The following PKP2 variants were observed in gnomAD, a reference collection of about 807,000 sequenced individuals.
PKP2 encodes plakophilin 2.
PKP2 carries 73 observed loss-of-function variants against 83.4 expected under a neutral mutation model. That is an observed-to-expected ratio of 0.88 (90% CI 0.72 to 1.06). The LOEUF (loss-of-function observed/expected upper bound fraction) is 1.06. Among genes scored for constraint, PKP2 ranks in the 50% least tolerant of loss-of-function variants. The pLI, the probability that PKP2 is intolerant of heterozygous loss-of-function variation, is 0.00. For synonymous variants in PKP2, 409 were observed against 430.4 expected (o/e 0.95, Z 0.62); for missense variants, 966 against 1,065.4 (o/e 0.91, Z 1.30).
rs528805301 is a variant in PKP2 at position 32,861,623 on chromosome 12, T to C, written c.1170+7304A>G. On this transcript the variant is annotated intron_variant, in intron 4 of 12. Coordinates refer to ENST00000340811, the MANE Select transcript of PKP2 (RefSeq NM_001005242.3). ...GTAATTGTAGTTCCCAAAGGAGGAA[T>C]AGAAAAACTGTGAAAATTTTCTAAT... is the stretch of plus-strand genomic sequence containing the variant. 1.7e-3 allele frequency among the ~76,000 whole-genome samples: 260 copies of C among 152,234 alleles called. 1 individual carries two copies. Among genetic ancestry groups the C allele is most frequent in the African/African-American group, 5.8e-3 (243 of 41,566 alleles).
chr12:32,847,726 A>C (rs1051993151), intron 5 of PKP2, among the ~76,000 whole-genome samples: 2 of 152,134 alleles, frequency 1.3e-5, no homozygotes, highest in African/African-American at 4.8e-5. Flanking sequence ...ACCAATCCAA[A>C]GCCTATTCCT....
chr12:32,866,883 T>C (rs1956854317), intron 4 of PKP2, among the ~76,000 whole-genome samples: 1 of 152,188 alleles, frequency 6.6e-6, no homozygotes, highest in African/African-American at 2.4e-5. Flanking sequence ...TCACGGTAGC[T>C]TTATTTGTAA....
intron 4 of PKP2, among the ~76,000 whole-genome samples, chr12:32,855,794 A>AAAAAAAAT: frequency 6.7e-6 from 1 of 148,290 alleles, no homozygotes; most frequent in Non-Finnish European, 1.5e-5. Flanking sequence ...AAAAAAAAAA[A>AAAAAAAAT]AGGAAGAAAA....
intron 9 of PKP2, chr12:32,821,144 T>C: frequency 3.6e-6 from 2 of 562,030 alleles, no homozygotes; most frequent in Non-Finnish European, 6.3e-6. Context: ...CTGAGATCTG[T>C]AACTGAAAGA....
At chr12:32,888,344 T>C (rs527608041) in intron 1 of PKP2, among the ~76,000 whole-genome samples, 1 of 152,248 alleles carries the variant, frequency 6.6e-6, no homozygotes, top group African/African-American at 2.4e-5. Flanking sequence ...GGTGAATTTA[T>C]AGAACTCACA....
intron 9 of PKP2, among the ~76,000 whole-genome samples, chr12:32,811,263 C>T (rs10743803): frequency 0.6 from 90,677 of 152,140 alleles, 29,827 homozygotes; most frequent in Non-Finnish European, 0.77. Flanking sequence ...TGCATTAGCA[C>T]ATCCCAGCAT....
chr12:32,832,219 A>C (rs1040925263), intron 6 of PKP2, among the ~76,000 whole-genome samples: 11 of 152,210 alleles, frequency 7.2e-5, no homozygotes, highest in African/African-American at 2.6e-4. Context: ...TCTACTAAAA[A>C]TACAAAAAAT....
chr12:32,791,092 T>C lies in PKP2; in HGVS notation c.*1332A>G, dbSNP rs1290193471. ...GAAGAATTTTTTTGCTTATCTTACTTAGGACAAATGTTGTCAGATTAAAAA... is the reference window on the plus strand; with the variant it reads ...GAAGAATTTTTTTGCTTATCTTACTCAGGACAAATGTTGTCAGATTAAAAA... On this transcript the variant is annotated 3_prime_UTR_variant, in exon 13 of 13. Coordinates refer to ENST00000340811, the MANE Select transcript of PKP2 (RefSeq NM_001005242.3). 1 of 151,436 alleles carries C rather than the reference T, an allele frequency of 6.6e-6. No homozygotes were observed. The highest frequency in any genetic ancestry group is 1.5e-5 in the Non-Finnish European group (1 of 68,018). 9.4% of individuals were successfully genotyped at this position (151,436 alleles called of 1,614,324 possible).
chr12:32,821,111 T>C, intron 9 of PKP2: 1 of 491,974 alleles, frequency 2.0e-6, no homozygotes, highest in Non-Finnish European at 3.7e-6. Flanking sequence ...TCTTTTTTGC[T>C]TAAACCAGCT....
chr12:32,807,731 G>A (rs1956239668), intron 9 of PKP2, among the ~76,000 whole-genome samples: 1 of 152,072 alleles, frequency 6.6e-6, no homozygotes, highest in African/African-American at 2.4e-5. Flanking sequence ...TGGTATTGAC[G>A]AATTCCCTCA....
Position 32,802,429 on chromosome 12 carries a change from C to T in PKP2, c.2141G>A (p.Arg714Gln), listed in dbSNP as rs397517020. The T allele has an allele frequency of 3.7e-5, 59 of 1,613,970 alleles. No homozygotes were observed. Among genetic ancestry groups the T allele is most frequent in the Middle Eastern group, 1.6e-4 (1 of 6,084 alleles). Residue 714 changes from arginine (R) to glutamine (Q), a missense_variant, in exon 10 of 13, where the codon CGG becomes CAG. Arg to Gln is a conservative substitution (Grantham distance 43, BLOSUM62 1). Coordinates refer to ENST00000340811, the MANE Select transcript of PKP2 (RefSeq NM_001005242.3). ...TAISLLRNLSRNLSLQNEIAK... is the reference protein window; with the variant it reads ...TAISLLRNLSQNLSLQNEIAK... ...AATTTCATTCTGCAGAGAAAGATTCCGGGACAGATTCCTCAGCAGCGAGAT... is the reference window on the plus strand; with the variant it reads ...AATTTCATTCTGCAGAGAAAGATTCTGGGACAGATTCCTCAGCAGCGAGAT...
chr12:32,882,185 G>C (rs1442509511), intron 1 of PKP2, among the ~76,000 whole-genome samples: 1 of 152,086 alleles, frequency 6.6e-6, no homozygotes, highest in Non-Finnish European at 1.5e-5. Context: ...AATTAGTTTA[G>C]GGCTATCCAT....
intron 9 of PKP2, among the ~76,000 whole-genome samples, chr12:32,808,809 C>T (rs997246374): frequency 6.6e-6 from 1 of 152,096 alleles, no homozygotes; most frequent in Non-Finnish European, 1.5e-5. Context: ...GGGGTCTGCT[C>T]CAGACCTTAG....
At chr12:32,813,508 GGTGGCTCATGCCT>G (rs1472426850) in intron 9 of PKP2, among the ~76,000 whole-genome samples, 1 of 152,106 alleles carries the variant, frequency 6.6e-6, no homozygotes, top group Non-Finnish European at 1.5e-5. Context: ...AGCTGGGCCT[GGTGGCTCATGCCT>G]GTAATTCCAG....
At chr12:32,793,592 T>C (rs1956092803) in intron 11 of PKP2, among the ~76,000 whole-genome samples, 1 of 149,942 alleles carries the variant, frequency 6.7e-6, no homozygotes, top group African/African-American at 2.4e-5. Flanking sequence ...ATTTGAACTG[T>C]ACTTAGTCTT....
intron 9 of PKP2, among the ~76,000 whole-genome samples, chr12:32,815,961 G>GT (rs761396959): frequency 3.9e-5 from 6 of 152,196 alleles, no homozygotes; most frequent in Non-Finnish European, 8.8e-5. Context: ...TCTAGCTTTT[G>GT]TAAGTATGTG....
chr12:32,881,309 G>A (rs375804029), intron 1 of PKP2, among the ~76,000 whole-genome samples: 5 of 152,160 alleles, frequency 3.3e-5, no homozygotes, highest in Non-Finnish European at 5.9e-5. Context: ...GGCATCTCCT[G>A]TTTCCAGGGG....
At chr12:32,853,563 G>C (rs902589268) in intron 4 of PKP2, among the ~76,000 whole-genome samples, 2 of 148,138 alleles carry the variant, frequency 1.4e-5, no homozygotes, top group Non-Finnish European at 3.0e-5. Context: ...TTGGAGTGCA[G>C]TGACACGATC....
At chr12:32,866,894 T>A (rs1380655563) in intron 4 of PKP2, among the ~76,000 whole-genome samples, 1 of 152,112 alleles carries the variant, frequency 6.6e-6, no homozygotes, top group South Asian at 2.1e-4. Context: ...TTATTTGTAA[T>A]AGCCAAAACT....
Sources: allele counts gnomAD v4.1 joint callset (sites outside exome capture counted in the v4.1 genomes callset), GRCh38; gene constraint gnomAD v4.1.1; transcripts MANE v1.5; gene names NCBI Gene and HGNC (gene_info 2026-07-23, HGNC 2026-07-21).